The following RBFOX1 variants were observed in gnomAD, a reference collection of about 807,000 sequenced individuals.
RBFOX1 encodes RNA binding protein fox-1 homolog 1.
RBFOX1 carries 8 observed loss-of-function variants against 57.7 expected under a neutral mutation model. The observed-to-expected ratio is 0.14, with a 90% CI of 0.08 to 0.25. RBFOX1 has a LOEUF of 0.25. RBFOX1 is among the 10% of genes least tolerant of loss of function. The pLI is 1.00. For synonymous variants in RBFOX1, 326 were observed against 222.4 expected, an observed-to-expected ratio of 1.47 and a Z score of -4.15; for missense variants, 611 against 548.5, an observed-to-expected ratio of 1.11 and a Z score of -1.14.
intron 3 of RBFOX1, among the ~76,000 whole-genome samples, chr16:6,846,461 C>G (rs973405458): frequency 2.6e-5 from 4 of 152,120 alleles, no homozygotes; most frequent in Admixed American, 2.0e-4. Flanking sequence ...AAGAAGACAC[C>G]TGGGTCATAA....
chr16:5,337,809 A>C lies in RBFOX1; in HGVS notation c.219+97704A>C, dbSNP rs1404682513. 1.3e-5 allele frequency among the ~76,000 whole-genome samples: 2 copies of C among 152,330 alleles called. 1 individual carries two copies. The highest frequency in any genetic ancestry group is 4.1e-4 in the South Asian group (2 of 4,832). ...AAGGAAGGAACTGGACTTTTGGAATATAAATTAATGTATTGCTTGAGCCCA... is the reference window on the plus strand; with the variant it reads ...AAGGAAGGAACTGGACTTTTGGAATCTAAATTAATGTATTGCTTGAGCCCA... On this transcript the variant is annotated intron_variant, in intron 1 of 2. Transcript: ENST00000585867.
rs34341448 is a variant in RBFOX1 at position 6,864,995 on chromosome 16, C to CTTTTT, written c.-15-187042_-15-187038dup. On this transcript the variant is annotated intron_variant, in intron 3 of 15. Coordinates refer to ENST00000550418, the MANE Select transcript of RBFOX1 (RefSeq NM_018723.4). ...AATGTTGGAGTGGGTTTTTCTTTTTCTTTTTTTTTTTTTTTTTTTTTTTTG... is the reference window on the plus strand; with the variant it reads ...AATGTTGGAGTGGGTTTTTCTTTTTCTTTTTTTTTTTTTTTTTTTTTTTTTTTTTG... 1.5e-3 allele frequency among the ~76,000 whole-genome samples: 127 copies of CTTTTT among 82,518 alleles called. 1 individual carries two copies. Among genetic ancestry groups the CTTTTT allele is most frequent in the African/African-American group, 6.0e-3 (107 of 17,726 alleles). 54.1% of individuals were successfully genotyped at this position (82,518 alleles called of 152,430 possible).
chr16:5,464,029 C>T (rs1019290960), intron 1 of RBFOX1, among the ~76,000 whole-genome samples: 3 of 152,102 alleles, frequency 2.0e-5, no homozygotes, highest in African/African-American at 7.2e-5. Context: ...ATCAATAGCC[C>T]CGTGATGGAC....
intron 3 of RBFOX1, among the ~76,000 whole-genome samples, chr16:6,725,003 G>A (rs1454291780): frequency 6.7e-6 from 1 of 149,624 alleles, no homozygotes; most frequent in Non-Finnish European, 1.5e-5. Flanking sequence ...AATGGGGACA[G>A]CCAGGAGTCA....
intron 2 of RBFOX1, among the ~76,000 whole-genome samples, chr16:6,613,338 G>C (rs1252477840): frequency 6.6e-6 from 1 of 152,042 alleles, no homozygotes; most frequent in South Asian, 2.1e-4. Flanking sequence ...GAATGCTCAG[G>C]ATGGTGGGGG....
chr16:6,611,708 A>C (rs1798308617), intron 2 of RBFOX1, among the ~76,000 whole-genome samples: 1 of 152,152 alleles, frequency 6.6e-6, no homozygotes, highest in Admixed American at 6.5e-5. Context: ...TGGCTTCTGG[A>C]TATTTTCACC....
At chr16:5,409,274 C>G (rs2066948536) in intron 1 of RBFOX1, among the ~76,000 whole-genome samples, 1 of 152,218 alleles carries the variant, frequency 6.6e-6, no homozygotes, top group Non-Finnish European at 1.5e-5. Context: ...GTTCACTGTT[C>G]TGCATACAGC....
chr16:5,864,068 C>T (rs1023555080), intron 3 of RBFOX1, among the ~76,000 whole-genome samples: 1 of 152,154 alleles, frequency 6.6e-6, no homozygotes, highest in South Asian at 2.1e-4. Context: ...TTCCACCCTC[C>T]AGAAGGCCCC....
chr16:7,707,658 T>G (rs1278676147), intron 14 of RBFOX1, among the ~76,000 whole-genome samples: 2 of 152,138 alleles, frequency 1.3e-5, no homozygotes, highest in East Asian at 3.9e-4. Flanking sequence ...GAAGCCACTT[T>G]AACTCAATGG....
intron 2 of RBFOX1, among the ~76,000 whole-genome samples, chr16:6,397,451 A>T (rs1320257830): frequency 6.6e-6 from 1 of 151,170 alleles, no homozygotes. Flanking sequence ...TAAAAAAAAA[A>T]TCCTTCACAG....
intron 4 of RBFOX1, among the ~76,000 whole-genome samples, chr16:7,078,338 C>A (rs1054911897): frequency 6.6e-6 from 1 of 152,104 alleles, no homozygotes; most frequent in Non-Finnish European, 1.5e-5. Flanking sequence ...TTGTTTATAA[C>A]CAACCCCATA....
At chr16:5,621,221 C>T (rs1455148064) in intron 3 of RBFOX1, among the ~76,000 whole-genome samples, 1 of 152,116 alleles carries the variant, frequency 6.6e-6, no homozygotes, top group Non-Finnish European at 1.5e-5. Flanking sequence ...ATGGGATCTT[C>T]CCACCTCAAC....
At chr16:5,548,168 AAAAAAAAT>A (rs1404380668) in intron 2 of RBFOX1, among the ~76,000 whole-genome samples, 74 of 57,166 alleles carry the variant, frequency 1.3e-3, no homozygotes, top group East Asian at 6.1e-3. Context: ...TAAAAAAAAA[AAAAAAAAT>A]ATATATATAT....
At chr16:7,393,671 A>C (rs1406476145) in intron 4 of RBFOX1, among the ~76,000 whole-genome samples, 1 of 152,064 alleles carries the variant, frequency 6.6e-6, no homozygotes, top group Non-Finnish European at 1.5e-5. Context: ...TGGATTATTC[A>C]TTGTGCCAAG....
intron 2 of RBFOX1, among the ~76,000 whole-genome samples, chr16:5,474,161 G>T (rs1181092332): frequency 1.3e-5 from 2 of 152,106 alleles, no homozygotes; most frequent in African/African-American, 4.8e-5. Flanking sequence ...CTCCATCTTG[G>T]ATTATTCAAA....
chr16:7,000,636 C>A (rs1444532355), intron 3 of RBFOX1, among the ~76,000 whole-genome samples: 2 of 116,812 alleles, frequency 1.7e-5, no homozygotes, highest in East Asian at 2.9e-4. Context: ...GTCTCGCTCT[C>A]CTCTGTCGCC....
chr16:5,856,187 C>CTCTATA lies in RBFOX1; in HGVS notation c.319-11115_319-11114insCTATAT, dbSNP rs1430331422. Reference sequence around the variant, plus strand: ...TCTCTCTCTCTCTCTCTCTCTCTCTCTATATATATATATATATATACATAT... The same window carrying CTCTATA: ...TCTCTCTCTCTCTCTCTCTCTCTCTCTCTATATATATATATATATATATATACATAT... On this transcript the variant is annotated intron_variant, in intron 3 of 19. Transcript: ENST00000641259. Among the ~76,000 whole-genome samples, 27 of 31,070 alleles carry CTCTATA rather than the reference C, an allele frequency of 8.7e-4. 1 individual carries two copies. The highest frequency in any genetic ancestry group is 1.2e-3 in the South Asian group (1 of 828). 20.4% of individuals were successfully genotyped at this position (31,070 alleles called of 152,430 possible).
chr16:5,781,079 A>T (rs1180362328), intron 3 of RBFOX1, among the ~76,000 whole-genome samples: 7 of 152,212 alleles, frequency 4.6e-5, no homozygotes, highest in Non-Finnish European at 8.8e-5. Context: ...TTTAAAAACC[A>T]TTCTCCTTGA....
intron 3 of RBFOX1, among the ~76,000 whole-genome samples, chr16:6,986,966 C>G (rs1001580346): frequency 6.6e-6 from 1 of 152,128 alleles, no homozygotes; most frequent in Admixed American, 6.5e-5. Context: ...CCCATGCTTT[C>G]GAATGCCATT....
Sources: gnomAD v4.1 joint callset for allele counts (sites outside exome capture counted in the v4.1 genomes callset) on GRCh38, gnomAD v4.1.1 for gene constraint, MANE v1.5 for transcripts, NCBI Gene and HGNC (gene_info 2026-07-23, HGNC 2026-07-21) for gene names.